HDAC9: variants seen among roughly 807,000 people sequenced by gnomAD.
HDAC9 encodes histone deacetylase 9.
HDAC9 carries 41 observed loss-of-function variants against 139.4 expected under a neutral mutation model. That is an observed-to-expected ratio of 0.29 (90% CI 0.23 to 0.38). The LOEUF is 0.38. Among genes scored for constraint, HDAC9 ranks in the 10% least tolerant of loss-of-function variants. The probability of loss-of-function intolerance (pLI) is 1.00; values close to 1 mark genes in which losing one functional copy is unlikely to be tolerated. For synonymous variants in HDAC9, 517 were observed against 476.2 expected, an observed-to-expected ratio of 1.09 and a Z score of -1.12; for missense variants, 1,147 against 1,297.0, an observed-to-expected ratio of 0.88 and a Z score of 1.78.
At chr7:18,138,749 A>G (rs1297263082) in intron 1 of HDAC9, among the ~76,000 whole-genome samples, 1 of 152,096 alleles carries the variant, frequency 6.6e-6, no homozygotes, top group African/African-American at 2.4e-5. Context: ...GCCCAGGGAC[A>G]TCGCTCACAT....
intron 2 of HDAC9, among the ~76,000 whole-genome samples, chr7:18,236,779 A>G (rs1793849353): frequency 6.6e-6 from 1 of 152,106 alleles, no homozygotes; most frequent in South Asian, 2.1e-4. Flanking sequence ...TTGAAATGGC[A>G]TGCTGTGGCA....
chr7:18,955,348 G>T (rs1478702796), intron 24 of HDAC9, among the ~76,000 whole-genome samples: 1 of 152,012 alleles, frequency 6.6e-6, no homozygotes, highest in Non-Finnish European at 1.5e-5. Flanking sequence ...TGTCATTCTA[G>T]ATTTCAAAGC....
chr7:18,918,137 A>T (rs1803374021), intron 22 of HDAC9, among the ~76,000 whole-genome samples: 1 of 152,038 alleles, frequency 6.6e-6, no homozygotes, highest in Non-Finnish European at 1.5e-5. Context: ...CTGATTGGAG[A>T]TAAGGGCTAG....
At chr7:18,726,405 C>T (rs1785550148) in intron 12 of HDAC9, among the ~76,000 whole-genome samples, 1 of 152,188 alleles carries the variant, frequency 6.6e-6, no homozygotes, top group South Asian at 2.1e-4. Flanking sequence ...GAAGTAATGT[C>T]TGCCTCAAGT....
chr7:18,736,690 A>T (rs1006681133), intron 13 of HDAC9, among the ~76,000 whole-genome samples: 4 of 152,158 alleles, frequency 2.6e-5, no homozygotes, highest in African/African-American at 9.6e-5. Context: ...TTGGTCTAAA[A>T]TTCTCTTTTT....
At chr7:18,595,870 T>C (rs1409900266) in intron 6 of HDAC9, among the ~76,000 whole-genome samples, 1 of 152,104 alleles carries the variant, frequency 6.6e-6, no homozygotes, top group Non-Finnish European at 1.5e-5. Context: ...ACTGTTGCCA[T>C]GCGAACAGCT....
At chr7:18,599,858 A>G (rs1833480073) in intron 6 of HDAC9, among the ~76,000 whole-genome samples, 1 of 152,204 alleles carries the variant, frequency 6.6e-6, no homozygotes, top group African/African-American at 2.4e-5. Flanking sequence ...AAAGAACAAC[A>G]AACAACAAAA....
intron 24 of HDAC9, among the ~76,000 whole-genome samples, chr7:18,968,652 C>G (rs1370672335): frequency 6.6e-6 from 1 of 152,036 alleles, no homozygotes; most frequent in Non-Finnish European, 1.5e-5. Context: ...GAGAATAAAG[C>G]CATCAAAGTT....
At chr7:18,447,102 A>G (rs1161451538) in intron 1 of HDAC9, among the ~76,000 whole-genome samples, 1 of 152,160 alleles carries the variant, frequency 6.6e-6, no homozygotes, top group African/African-American at 2.4e-5. Context: ...GACGTCTTTA[A>G]AATAATGGAA....
At chr7:18,795,827 C>T (rs751629977) in intron 17 of HDAC9, among the ~76,000 whole-genome samples, 21 of 152,254 alleles carry the variant, frequency 1.4e-4, no homozygotes, top group South Asian at 8.3e-4. Context: ...CCAGTGCCTA[C>T]GTGTCCCAGA....
At chr7:18,528,767 G>A (rs955275433) in intron 2 of HDAC9, among the ~76,000 whole-genome samples, 1 of 152,072 alleles carries the variant, frequency 6.6e-6, no homozygotes, top group Non-Finnish European at 1.5e-5. Flanking sequence ...GACTTATTAT[G>A]GAATATAGTT....
rs150400270 is a variant in HDAC9 at position 18,418,497 on chromosome 7, A to G, written c.-41-77765A>G. On this transcript the variant is annotated intron_variant, in intron 1 of 3. Coordinates refer to the HDAC9 transcript ENST00000413509. ...AAAAATAAGATAATGAAATAGTATG[A>G]TTGTGGGTAATTTAATAGATTGTGG... 3.0e-3 allele frequency among the ~76,000 whole-genome samples: 457 copies of G among 151,698 alleles called. 4 individuals are homozygous for G. The Middle Eastern group carries it at 0.054, about 18-fold the overall frequency.
chr7:18,940,904 G>T (rs1484128358), intron 23 of HDAC9, among the ~76,000 whole-genome samples: 1 of 152,124 alleles, frequency 6.6e-6, no homozygotes, highest in Non-Finnish European at 1.5e-5. Flanking sequence ...GAGAGGACAT[G>T]TAGTAGTAGA....
intron 10 of HDAC9, 112 bp from the exon 11 acceptor site, chr7:18,648,354 A>G: frequency 2.3e-6 from 2 of 871,636 alleles, no homozygotes; most frequent in African/African-American, 1.7e-5. Flanking sequence ...TACAGTTTAT[A>G]CCATGTATCT....
At chr7:18,903,656 C>T (rs886262121) in intron 22 of HDAC9, among the ~76,000 whole-genome samples, 5 of 152,184 alleles carry the variant, frequency 3.3e-5, no homozygotes, top group African/African-American at 4.8e-5. Context: ...CAGCTATTTA[C>T]GCCCATTTAC....
intron 2 of HDAC9, among the ~76,000 whole-genome samples, chr7:18,272,913 GCTACTACTA>G (rs149171355): frequency 0.081 from 11,752 of 144,440 alleles, 458 homozygotes; most frequent in Middle Eastern, 0.11. Context: ...CTAGACTACT[GCTACTACTA>G]CTACTACTAC....
chr7:18,596,629 A>G (rs777913007), intron 6 of HDAC9, among the ~76,000 whole-genome samples: 2 of 152,148 alleles, frequency 1.3e-5, no homozygotes, highest in African/African-American at 4.8e-5. Context: ...AAGCTACATC[A>G]TACTAAATGA....
intron 24 of HDAC9, among the ~76,000 whole-genome samples, chr7:18,956,465 G>A (rs1167713107): frequency 1.3e-5 from 2 of 152,094 alleles, no homozygotes; most frequent in Non-Finnish European, 2.9e-5. Flanking sequence ...TTGACAGCAG[G>A]TGTGAGGTGC....
intron 11 of HDAC9, among the ~76,000 whole-genome samples, chr7:18,653,170 A>G (rs1002176110): frequency 7.4e-5 from 11 of 148,884 alleles, no homozygotes; most frequent in African/African-American, 1.7e-4. Flanking sequence ...CCCAGGAGGC[A>G]GAGGTTGCAG....
Sources: allele counts gnomAD v4.1 joint callset (sites outside exome capture counted in the v4.1 genomes callset), GRCh38; gene constraint gnomAD v4.1.1; transcripts MANE v1.5; gene names NCBI Gene and HGNC (gene_info 2026-07-23, HGNC 2026-07-21).